The following CORO1B variants were observed in gnomAD, a reference collection of about 807,000 sequenced individuals.
The protein encoded by CORO1B is coronin-1B.
In CORO1B, 30 loss-of-function variants were observed where a neutral mutation model predicts 51.1. That is an observed-to-expected ratio of 0.59 (90% CI 0.44 to 0.80). CORO1B has a LOEUF of 0.80. Among genes scored for constraint, CORO1B ranks in the 30% least tolerant of loss-of-function variants. The pLI is 0.00. For synonymous variants in CORO1B, 310 were observed against 289.7 expected (o/e 1.07, Z -0.71); for missense variants, 648 against 700.4 (o/e 0.93, Z 0.84).
chr11:67,436,679 C>T lies in CORO1B; in HGVS notation c.*1697G>A. 3.4e-6 allele frequency: 1 copy of T among 290,286 alleles called. No individual in the cohort carries two copies. Among genetic ancestry groups the T allele is most frequent in the Admixed American group, 4.7e-5 (1 of 21,458 alleles). The allele number at this position is 290,286 out of a possible 1,614,324, so 18.0% of individuals were successfully genotyped here. A position where few individuals can be genotyped will look rare whatever the true frequency, so the allele number is the denominator to read the frequency against. ...TCCCCCGGGCTGCATGGCCTGCTCA[C>T]CGTGCTCAAACTTCACCCCAGTGAG... On this transcript the variant is annotated 3_prime_UTR_variant, in exon 11 of 11. Transcript: ENST00000341356.
At position 67,441,989 on chromosome 11, in the gene CORO1B, C is replaced by A; in HGVS notation, c.301G>T (p.Gly101Cys). ...CPHNDEVIAS[G>C]SEDCTVMVWQ... ...ACCATGACCGTGCAGTCCTCCGAGC[C>A]GCTGGCTATGACTTCGTCGTTGTGA... Residue 101 changes from glycine (G) to cysteine (C), a missense_variant, in exon 3 of 11, where the codon GGC (glycine) becomes TGC (cysteine). By Grantham distance (159) the Gly-to-Cys change is radical (BLOSUM62 -3). Transcript: ENST00000341356. 6.2e-7 allele frequency: 1 copy of A among 1,613,236 alleles called. No homozygotes were observed. Among genetic ancestry groups the A allele is most frequent in the Non-Finnish European group, 8.5e-7 (1 of 1,180,002 alleles).
Position 67,435,799 on chromosome 11 carries a change from G to A in CORO1B, c.*2577C>T. The A allele has an allele frequency of 1.3e-6, 2 of 1,593,740 alleles. No individual in the cohort carries two copies. Among genetic ancestry groups the A allele is most frequent in the Non-Finnish European group, 1.7e-6 (2 of 1,170,344 alleles). ...TGGCGCTGTCATCCCAGGCTGCGCT[G>A]CCAGCAAAGGCGTGCAGGTCACTCA... On this transcript the variant is annotated 3_prime_UTR_variant, in exon 11 of 11. Coordinates refer to ENST00000341356, the MANE Select transcript of CORO1B (RefSeq NM_020441.3).
chr11:67,439,170 G>A (rs953928157), intron 9 of CORO1B, among the ~76,000 whole-genome samples: 6 of 152,234 alleles, frequency 3.9e-5, no homozygotes, highest in African/African-American at 1.4e-4. Context: ...TCCCCTGCAA[G>A]GCACAGGGGC....
intron 1 of CORO1B, among the ~76,000 whole-genome samples, chr11:67,442,871 C>CT (rs1864426028): frequency 6.6e-6 from 1 of 152,186 alleles, no homozygotes; most frequent in African/African-American, 2.4e-5. Flanking sequence ...TCCTGAGGGG[C>CT]TTTGCAGGAC....
At position 67,437,556 on chromosome 11, in the gene CORO1B, C is replaced by T. The variant is rs962730445; in HGVS notation, c.*820G>A. ...CCCTCCTTAGCTCCACAGGCCCAGA[C>T]ATTCTAGCCCCGACCGCCTGTGGCC... On this transcript the variant is annotated 3_prime_UTR_variant, in exon 11 of 11. Coordinates refer to ENST00000341356, the MANE Select transcript of CORO1B (RefSeq NM_020441.3). 2.3e-6 allele frequency: 3 copies of T among 1,331,148 alleles called. No homozygotes were observed. Among genetic ancestry groups the T allele is most frequent in the Non-Finnish European group, 2.9e-6 (3 of 1,030,488 alleles). The allele number at this position is 1,331,148 out of a possible 1,614,324, so 82.5% of individuals were successfully genotyped here.
chr11:67,438,625 G>A (rs763283760), intron 10 of CORO1B, 46 bp downstream of exon 10: 13 of 1,515,898 alleles, frequency 8.6e-6, no homozygotes, highest in Non-Finnish European at 4.4e-6. Context: ...GCAGGCCAGG[G>A]CCACACCTGG....
In CORO1B at chr11:67,440,248, G is replaced by T. The variant is rs757859517; in HGVS notation, c.877C>A (p.Arg293=). Reference sequence around the variant, plus strand: ...GGCTCCTCTGTGATCTCAAAGTACCGGATGCTGGAGTCACCCTGTGTGGGG... The same window carrying T: ...GGCTCCTCTGTGATCTCAAAGTACCTGATGCTGGAGTCACCCTGTGTGGGG... The part of the protein sequence containing the change: ...YVCGKGDSSI[R]YFEITEEPPY... Residue 293 remains arginine (R), a synonymous_variant, in exon 8 of 11, where the codon CGG becomes AGG. Transcript: ENST00000341356. 6 of 1,613,722 alleles carry T rather than the reference G, an allele frequency of 3.7e-6. No homozygotes were observed. The Middle Eastern group carries it at 4.9e-4, about 133-fold the overall frequency.
At position 67,441,790 on chromosome 11, in the gene CORO1B, T is replaced by G; in HGVS notation, c.397A>C (p.Lys133Gln). 6.2e-7 allele frequency: 1 copy of G among 1,613,012 alleles called. No homozygotes were observed. Among genetic ancestry groups the G allele is most frequent in the Non-Finnish European group, 8.5e-7 (1 of 1,179,928 alleles). The change falls in exon 4 of 11, where the codon AAG becomes CAG. Residue 133 changes from lysine to glutamine, a missense_variant. Coordinates refer to ENST00000341356, the MANE Select transcript of CORO1B (RefSeq NM_020441.3). ...EPVVVLEGHT[K>Q]RVGIIAWHPT... ...TGCCAGGCGATGATGCCCACTCGCTTGGTGTGCCCCTCCAGTACCACCACC... is the reference window on the plus strand; with the variant it reads ...TGCCAGGCGATGATGCCCACTCGCTGGGTGTGCCCCTCCAGTACCACCACC...
chr11:67,442,165 A>G (rs1263317310), intron 2 of CORO1B, 77 bp from the exon 3 acceptor site: 2 of 1,576,492 alleles, frequency 1.3e-6, no homozygotes, highest in African/African-American at 2.7e-5. Context: ...AGTGGGAATG[A>G]CATGCACGTC....
At position 67,440,376 on chromosome 11, in the gene CORO1B, A is replaced by G; in HGVS notation, c.820T>C (p.Phe274Leu). Residue 274 changes from phenylalanine (F) to leucine (L), a missense_variant, in exon 7 of 11, where the codon TTC (phenylalanine) becomes CTC (leucine). Phe to Leu is a conservative substitution (Grantham distance 22). Coordinates refer to ENST00000341356, the MANE Select transcript of CORO1B (RefSeq NM_020441.3). ...LDSSNGALLP[F>L]YDPDTSVVYV... ...ACCACACTGGTGTCGGGGTCGTAGA[A>G]GGGCAGCAGGGCCCCGTTGCTCGAG... The G allele has an allele frequency of 6.2e-7, 1 of 1,613,824 alleles. No individual in the cohort carries two copies. The highest frequency in any genetic ancestry group is 8.5e-7 in the Non-Finnish European group (1 of 1,179,986).
At chr11:67,443,619 G>T (rs1864440699), upstream of CORO1B, 5 of 733,994 alleles carry the variant, frequency 6.8e-6, no homozygotes, top group East Asian at 1.3e-4. Flanking sequence ...CGCCGGGGAC[G>T]GGGCCAGAGA....
Position 67,435,715 on chromosome 11 carries a change from G to A in CORO1B, c.*2661C>T. On this transcript the variant is annotated 3_prime_UTR_variant, in exon 11 of 11. Coordinates refer to ENST00000341356, the MANE Select transcript of CORO1B (RefSeq NM_020441.3). ...GGAGTGAGCGGCTGTGACAGGGATG[G>A]GACACCAAGACCGGCCTCTACAGTG... The A allele has an allele frequency of 6.7e-7, 1 of 1,503,098 alleles. No individual in the cohort carries two copies. Among genetic ancestry groups the A allele is most frequent in the Non-Finnish European group, 8.8e-7 (1 of 1,130,618 alleles). The allele number at this position is 1,503,098 out of a possible 1,614,324, so 93.1% of individuals were successfully genotyped here. A position where few individuals can be genotyped will look rare whatever the true frequency, so the allele number is the denominator to read the frequency against.
chr11:67,443,465 T>G lies in CORO1B; in HGVS notation c.-64A>C. 3 of 986,132 alleles carry G rather than the reference T, an allele frequency of 3.0e-6. No homozygotes were observed. The highest frequency in any genetic ancestry group is 3.6e-6 in the Non-Finnish European group (3 of 830,110). The allele number at this position is 986,132 out of a possible 1,614,324, so 61.1% of individuals were successfully genotyped here. On this transcript the variant is annotated 5_prime_UTR_variant, in exon 1 of 11. Transcript: ENST00000341356. ...CTTCGGGCGGCTCCGGATCCCGGCC[T>G]CTGGGAAGCAGGAAGCAGGATTCAG...
At chr11:67,438,602 T>C in intron 10 of CORO1B, 69 bp downstream of exon 10, 6 of 1,530,288 alleles carry the variant, frequency 3.9e-6, no homozygotes, top group Non-Finnish European at 5.3e-6. Flanking sequence ...AGCGAATGGC[T>C]GAAGCCCACA....
chr11:67,443,411 A>G lies in CORO1B; in HGVS notation c.-10T>C, dbSNP rs1053267924. The G allele has an allele frequency of 1.7e-4, 165 of 969,792 alleles. No individual in the cohort carries two copies. The African/African-American group carries it at 2.7e-3, about 16-fold the overall frequency. 60.1% of individuals were successfully genotyped at this position (969,792 alleles called of 1,614,324 possible). A position where few individuals can be genotyped will look rare whatever the true frequency, so the allele number is the denominator to read the frequency against. On this transcript the variant is annotated 5_prime_UTR_variant, in exon 1 of 11. Coordinates refer to ENST00000341356, the MANE Select transcript of CORO1B (RefSeq NM_020441.3). ...CGGCCCTGCCGCGCTCACCGGGGGC[A>G]CCGGGGGCGCAGGGGGCTGCGGCAC...
intron 8 of CORO1B, 57 bp from the exon 9 acceptor site, chr11:67,439,900 C>T: frequency 6.6e-7 from 1 of 1,519,950 alleles, no homozygotes. Context: ...CCACCCACCG[C>T]CAGCTCTCCT....
In CORO1B at chr11:67,441,470, C is replaced by T; in HGVS notation, c.499G>A (p.Glu167Lys). ...TGCAGGCTGTCCAGGCGGTACAGCTCCTCCGCTGTGCCCACATTCCAGATG... is the reference window on the plus strand; with the variant it reads ...TGCAGGCTGTCCAGGCGGTACAGCTTCTCCGCTGTGCCCACATTCCAGATG... ...VLIWNVGTAE[E>K]LYRLDSLHPD... The change falls in exon 5 of 11, where the codon GAG becomes AAG. Residue 167 changes from glutamate (E) to lysine (K), a missense_variant. Coordinates refer to ENST00000341356, the MANE Select transcript of CORO1B (RefSeq NM_020441.3). 6.2e-7 allele frequency: 1 copy of T among 1,613,768 alleles called. No homozygotes were observed. The highest frequency in any genetic ancestry group is 1.3e-5 in the African/African-American group (1 of 75,044).
chr11:67,440,538 T>A, intron 6 of CORO1B, 99 bp from the exon 7 acceptor site: 1 of 1,055,176 alleles, frequency 9.5e-7, no homozygotes, highest in Non-Finnish European at 1.4e-6. Flanking sequence ...CAGCCAGCAC[T>A]GCCCCTAAAT....
Position 67,436,704 on chromosome 11 carries a change from G to A in CORO1B, c.*1672C>T, listed in dbSNP as rs1282408601. The A allele has an allele frequency of 7.8e-6, 2 of 256,674 alleles. No individual in the cohort carries two copies. The highest frequency in any genetic ancestry group is 1.5e-5 in the Non-Finnish European group (2 of 134,698). 15.9% of individuals were successfully genotyped at this position (256,674 alleles called of 1,614,324 possible). Reference sequence around the variant, plus strand: ...CCGTGCTCAAACTTCACCCCAGTGAGGCTGAACCTGACCTTAACCTCTACC... The same window carrying A: ...CCGTGCTCAAACTTCACCCCAGTGAAGCTGAACCTGACCTTAACCTCTACC... On this transcript the variant is annotated 3_prime_UTR_variant, in exon 11 of 11. Transcript: ENST00000341356.
Sources: gnomAD v4.1 joint callset for allele counts (sites outside exome capture counted in the v4.1 genomes callset) on GRCh38, gnomAD v4.1.1 for gene constraint, MANE v1.5 for transcripts, NCBI Gene and HGNC (gene_info 2026-07-23, HGNC 2026-07-21) for gene names.